MDGA2: variants seen among roughly 807,000 people sequenced by gnomAD.
MDGA2 encodes the protein MAM domain containing glycosylphosphatidylinositol anchor 2, also known as MAM domain-containing glycosylphosphatidylinositol anchor protein 2.
A neutral mutation model predicts 117.8 loss-of-function variants in MDGA2; 40 were observed. The ratio of observed to expected loss-of-function variants is 0.34; its 90% CI spans 0.26 to 0.44. MDGA2 has a LOEUF of 0.44. Ranked by LOEUF, MDGA2 falls within the 20% of genes least tolerant of loss-of-function variation. The pLI, the probability that MDGA2 is intolerant of heterozygous loss-of-function variation, is 1.00. For synonymous variants in MDGA2, 452 were observed against 439.0 expected, an observed-to-expected ratio of 1.03 and a Z score of -0.37; for missense variants, 1,123 against 1,250.6, an observed-to-expected ratio of 0.90 and a Z score of 1.54.
chr14:47,569,159 A>G (rs1043740721), intron 1 of MDGA2, among the ~76,000 whole-genome samples: 4 of 152,192 alleles, frequency 2.6e-5, no homozygotes, highest in African/African-American at 9.7e-5. Flanking sequence ...TGAGAAAAAA[A>G]CAAAACAAAA....
intron 1 of MDGA2, among the ~76,000 whole-genome samples, chr14:47,612,201 T>TAGAC (rs1374475619): frequency 2.0e-3 from 264 of 135,052 alleles, no homozygotes; most frequent in African/African-American, 6.4e-3. Flanking sequence ...GATAGATAGA[T>TAGAC]AGATAGACAG....
chr14:47,666,877 C>T (rs572514304), intron 1 of MDGA2, among the ~76,000 whole-genome samples: 14 of 152,094 alleles, frequency 9.2e-5, no homozygotes, highest in African/African-American at 2.2e-4. Context: ...CTGGGAGGAA[C>T]GAACAACTCC....
chr14:46,944,236 T>C (rs1885093188), intron 9 of MDGA2, among the ~76,000 whole-genome samples: 1 of 152,020 alleles, frequency 6.6e-6, no homozygotes, highest in African/African-American at 2.4e-5. Flanking sequence ...ATATTTTCAC[T>C]AGACATAAAA....
chr14:47,609,428 C>CATATATATATATATATATATATAT lies in MDGA2; in HGVS notation c.280+65065_280+65088dup, dbSNP rs3040345. Among the ~76,000 whole-genome samples the CATATATATATATATATATATATAT allele has an allele frequency of 1.8e-3, 31 of 17,562 alleles. 2 individuals are homozygous for CATATATATATATATATATATATAT. The highest frequency in any genetic ancestry group is 5.3e-3 in the East Asian group (1 of 190). The allele number at this position is 17,562 out of a possible 152,430, so 11.5% of individuals were successfully genotyped here. On this transcript the variant is annotated intron_variant, in intron 1 of 16. Coordinates refer to ENST00000399232, the MANE Select transcript of MDGA2 (RefSeq NM_001113498.3). ...TTTCTATGGCTGAGTAGTATTCCAT[C>CATATATATATATATATATATATAT]ATATATATATATATATATATATATA...
chr14:47,312,051 T>C (rs964798281), intron 1 of MDGA2, among the ~76,000 whole-genome samples: 2 of 152,160 alleles, frequency 1.3e-5, no homozygotes, highest in South Asian at 2.1e-4. Context: ...GTCTAAACCA[T>C]ACAATGTGAA....
At chr14:47,379,017 C>A (rs1594826135) in intron 1 of MDGA2, among the ~76,000 whole-genome samples, 1 of 152,318 alleles carries the variant, frequency 6.6e-6, no homozygotes, top group African/African-American at 2.4e-5. Context: ...CAGCGGATCT[C>A]TTGGCAGAAA....
chr14:47,288,747 A>G (rs1594775060), intron 2 of MDGA2, among the ~76,000 whole-genome samples: 1 of 152,164 alleles, frequency 6.6e-6, no homozygotes, highest in African/African-American at 2.4e-5. Context: ...AAAATAAAAG[A>G]TTAACAATTC....
At chr14:46,963,646 A>G (rs765868316) in intron 8 of MDGA2, among the ~76,000 whole-genome samples, 15 of 152,088 alleles carry the variant, frequency 9.9e-5, no homozygotes, top group Non-Finnish European at 1.9e-4. Context: ...TTCAGATTTT[A>G]CCTCTTTAGG....
At chr14:47,502,805 A>G (rs866418644) in intron 1 of MDGA2, among the ~76,000 whole-genome samples, 2 of 152,190 alleles carry the variant, frequency 1.3e-5, no homozygotes, top group African/African-American at 4.8e-5. Context: ...CCTCCCAAGC[A>G]GCTGGGAGTG....
intron 1 of MDGA2, among the ~76,000 whole-genome samples, chr14:47,370,588 A>G (rs1271918035): frequency 7.1e-6 from 1 of 140,838 alleles, no homozygotes; most frequent in African/African-American, 2.6e-5. Context: ...TTCTATTTTA[A>G]ACAGTATCCA....
chr14:47,252,166 A>G (rs889439232), intron 2 of MDGA2, among the ~76,000 whole-genome samples: 1 of 152,146 alleles, frequency 6.6e-6, no homozygotes, highest in African/African-American at 2.4e-5. Flanking sequence ...GAAAGTGGAT[A>G]GGGAACATAC....
chr14:47,370,849 C>T (rs938339355), intron 1 of MDGA2, among the ~76,000 whole-genome samples: 1 of 151,590 alleles, frequency 6.6e-6, no homozygotes, highest in Non-Finnish European at 1.5e-5. Context: ...TTAGTTGATA[C>T]TGCACTACCT....
chr14:47,195,279 C>G (rs868274104), intron 3 of MDGA2, among the ~76,000 whole-genome samples: 1 of 152,076 alleles, frequency 6.6e-6, no homozygotes, highest in Admixed American at 6.5e-5. Flanking sequence ...GAAAAGCATC[C>G]TCTTTCAACA....
At chr14:46,912,711 CAG>C (rs1462559104) in intron 10 of MDGA2, among the ~76,000 whole-genome samples, 1 of 152,140 alleles carries the variant, frequency 6.6e-6, no homozygotes, top group African/African-American at 2.4e-5. Flanking sequence ...GCACCAGACT[CAG>C]AGAAAATCCT....
At chr14:46,978,277 A>G (rs1237790712) in intron 8 of MDGA2, among the ~76,000 whole-genome samples, 1 of 151,994 alleles carries the variant, frequency 6.6e-6, no homozygotes, top group Non-Finnish European at 1.5e-5. Flanking sequence ...GTTAGGAACC[A>G]TTCATATTTA....
chr14:46,895,732 G>GAA (rs1170891476), intron 10 of MDGA2, among the ~76,000 whole-genome samples: 1 of 131,466 alleles, frequency 7.6e-6, no homozygotes, highest in African/African-American at 2.8e-5. Flanking sequence ...GTCTCAAAAA[G>GAA]AAAAAAAAAA....
rs55889646 is a variant in MDGA2 at position 47,461,269 on chromosome 14, A to ATGTGTGTGTGTGTGTGTGTGTGTG, written c.281-159743_281-159720dup. 3.3e-3 allele frequency among the ~76,000 whole-genome samples: 470 copies of ATGTGTGTGTGTGTGTGTGTGTGTG among 142,928 alleles called. 5 individuals are homozygous for ATGTGTGTGTGTGTGTGTGTGTGTG. Among genetic ancestry groups the ATGTGTGTGTGTGTGTGTGTGTGTG allele is most frequent in the East Asian group, 9.7e-3 (46 of 4,726 alleles). The allele number at this position is 142,928 out of a possible 152,430, so 93.8% of individuals were successfully genotyped here. On this transcript the variant is annotated intron_variant, in intron 1 of 16. Coordinates refer to ENST00000399232, the MANE Select transcript of MDGA2 (RefSeq NM_001113498.3). ...CATGTAGTCCAAGTTAAAAAAATGT[A>ATGTGTGTGTGTGTGTGTGTGTGTG]TGTGTGTGTGTGTGTGTGTGTGTGT...
intron 3 of MDGA2, among the ~76,000 whole-genome samples, chr14:47,144,959 A>ATTT (rs1882881394): frequency 6.6e-6 from 1 of 151,680 alleles, no homozygotes; most frequent in African/African-American, 2.4e-5. Context: ...TCTTTGTCTT[A>ATTT]ATATACTTCT....
At position 47,609,222 on chromosome 14, in the gene MDGA2, C is replaced by G. The variant is rs190612969; in HGVS notation, c.280+65295G>C. 4.8e-3 allele frequency among the ~76,000 whole-genome samples: 720 copies of G among 150,946 alleles called. 2 individuals are homozygous for G. Among genetic ancestry groups the G allele is most frequent in the Admixed American group, 0.01 (153 of 15,064 alleles). ...TATCCCTCACCTCCCTCCTACTCGT[C>G]TTCTCAAGTCCCCAAAGTTCATTGT... On this transcript the variant is annotated intron_variant, in intron 1 of 16. Transcript: ENST00000399232.
Sources: gnomAD v4.1 joint callset for allele counts (sites outside exome capture counted in the v4.1 genomes callset) on GRCh38, gnomAD v4.1.1 for gene constraint, MANE v1.5 for transcripts, NCBI Gene and HGNC (gene_info 2026-07-23, HGNC 2026-07-21) for gene names.